Variants in ATP8A2 observed in about 807,000 individuals in gnomAD.
ATP8A2 encodes the protein phospholipid-transporting ATPase IB.
In ATP8A2, 100 loss-of-function variants were observed where a neutral mutation model predicts 165.6. That is an observed-to-expected ratio of 0.60 (90% CI 0.51 to 0.71). The LOEUF (loss-of-function observed/expected upper bound fraction) is 0.71, where lower values mean the gene tolerates loss of function less well. ATP8A2 is among the 30% of genes least tolerant of loss of function. The pLI is 0.00. For missense variants in ATP8A2, 1,227 were observed against 1,479.5 expected (o/e 0.83, Z 2.80); for synonymous variants, 543 against 548.8 (o/e 0.99, Z 0.15).
Position 25,513,021 on chromosome 13 carries a change from ACCTCCCTCCCGGACGGGGCG to A in ATP8A2, c.222-16977_222-16958del, listed in dbSNP as rs2037314773. ...GCCGGGCGGGGGGCTGACCCCCCCC[ACCTCCCTCCCGGACGGGGCG>A]GCTGGCCTGGCGGGGGCTGACCCCC... On this transcript the variant is annotated intron_variant, in intron 2 of 36. Coordinates refer to ENST00000381655, the MANE Select transcript of ATP8A2 (RefSeq NM_016529.6). Among the ~76,000 whole-genome samples the A allele has an allele frequency of 1.2e-4, 12 of 98,826 alleles. No individual in the cohort carries two copies. In the South Asian group the frequency reaches 4.6e-3, roughly 38 times the overall value. The allele number at this position is 98,826 out of a possible 152,430, so 64.8% of individuals were successfully genotyped here.
chr13:25,990,541 A>G (rs1387668874), intron 35 of ATP8A2, among the ~76,000 whole-genome samples: 4 of 152,206 alleles, frequency 2.6e-5, no homozygotes, highest in Non-Finnish European at 5.9e-5. Context: ...AGAGTGATCC[A>G]GGAACTTGCA....
chr13:25,581,931 A>T lies in ATP8A2; in HGVS notation c.2120A>T (p.Asp707Val). 2.5e-6 allele frequency: 4 copies of T among 1,612,064 alleles called. No individual in the cohort carries two copies. The highest frequency in any genetic ancestry group is 3.4e-6 in the Non-Finnish European group (4 of 1,179,380). The stretch of plus-strand genomic sequence containing the variant: ...ATTAAAATATGGGTGTTGACAGGAG[A>T]CAAACAAGAAACTGCGATTAATATA... ...AEIKIWVLTG[D>V]KQETAINIGY... Residue 707 changes from aspartate (D) to valine (V), a missense_variant, in exon 23 of 37, where the codon GAC (aspartate) becomes GTC (valine). Physicochemically the swap from Asp to Val is radical, Grantham distance 152. Transcript: ENST00000381655.
intron 33 of ATP8A2, among the ~76,000 whole-genome samples, chr13:25,897,032 C>T (rs962446927): frequency 2.6e-4 from 39 of 152,226 alleles, no homozygotes; most frequent in African/African-American, 7.5e-4. Context: ...AGCCCATTTA[C>T]GTTTAAGGTT....
At chr13:25,875,090 G>T (rs1430204476) in intron 33 of ATP8A2, among the ~76,000 whole-genome samples, 2 of 151,856 alleles carry the variant, frequency 1.3e-5, no homozygotes, top group Admixed American at 1.3e-4. Context: ...AGTTGCCGGG[G>T]CTGGGGGAGG....
intron 1 of ATP8A2, among the ~76,000 whole-genome samples, chr13:25,441,673 C>G (rs1475953479): frequency 6.6e-6 from 1 of 152,124 alleles, no homozygotes; most frequent in Non-Finnish European, 1.5e-5. Context: ...AACACCCAAC[C>G]CTACAACATC....
intron 19 of ATP8A2, 21 bp downstream of exon 19, chr13:25,574,878 T>C: frequency 7.4e-7 from 1 of 1,345,182 alleles, no homozygotes; most frequent in Non-Finnish European, 1.1e-6. Context: ...CTTTCATACG[T>C]TTGAAATAAA....
At chr13:25,398,260 C>T (rs1052462629) in intron 1 of ATP8A2, among the ~76,000 whole-genome samples, 21 of 152,150 alleles carry the variant, frequency 1.4e-4, no homozygotes, top group African/African-American at 2.4e-5. Flanking sequence ...TACACCAGAG[C>T]AGACTGGAGT....
intron 2 of ATP8A2, among the ~76,000 whole-genome samples, chr13:25,517,455 A>C (rs889530709): frequency 6.6e-6 from 1 of 152,204 alleles, no homozygotes; most frequent in Non-Finnish European, 1.5e-5. Flanking sequence ...TTTCATGTCC[A>C]TAGTTATTTG....
chr13:25,598,417 G>A (rs923177419), intron 24 of ATP8A2, among the ~76,000 whole-genome samples: 15 of 152,110 alleles, frequency 9.9e-5, no homozygotes, highest in African/African-American at 3.4e-4. Flanking sequence ...GAGATTTTCC[G>A]AAAATTTATG....
chr13:25,794,719 T>A (rs1485881242), intron 27 of ATP8A2, among the ~76,000 whole-genome samples: 3 of 152,002 alleles, frequency 2.0e-5, no homozygotes, highest in African/African-American at 7.3e-5. Context: ...ATATATATAT[T>A]CCAGTAATTG....
intron 24 of ATP8A2, among the ~76,000 whole-genome samples, chr13:25,616,879 A>G (rs1344693264): frequency 1.3e-5 from 2 of 152,288 alleles, no homozygotes; most frequent in East Asian, 1.9e-4. Flanking sequence ...ATTGAATATA[A>G]TAACAGCCCT....
chr13:25,582,174 GAC>G (rs1408764775), intron 23 of ATP8A2, among the ~76,000 whole-genome samples: 1 of 152,214 alleles, frequency 6.6e-6, no homozygotes, highest in Non-Finnish European at 1.5e-5. Flanking sequence ...AAAAGAATTA[GAC>G]ACACTTACAT....
chr13:25,888,762 G>A (rs904805176), intron 33 of ATP8A2, among the ~76,000 whole-genome samples: 2 of 152,184 alleles, frequency 1.3e-5, no homozygotes, highest in Admixed American at 6.5e-5. Flanking sequence ...GGGAGGCTGA[G>A]GCAGCAGAAT....
intron 24 of ATP8A2, among the ~76,000 whole-genome samples, chr13:25,609,565 T>TAAAATATATATATATATATTTGGATC (rs762280019): frequency 2.5e-5 from 3 of 120,788 alleles, no homozygotes; most frequent in Non-Finnish European, 3.6e-5. Context: ...ATATTTGGAT[T>TAAAATATATATATATATATTTGGATC]CAAATATATA....
At chr13:26,004,407 G>A (rs1956700336) in intron 35 of ATP8A2, among the ~76,000 whole-genome samples, 1 of 151,886 alleles carries the variant, frequency 6.6e-6, no homozygotes, top group East Asian at 1.9e-4. Context: ...ACAGTTTTTT[G>A]GTGGAGTCTT....
intron 15 of ATP8A2, 136 bp from the exon 16 acceptor site, chr13:25,563,820 C>T (rs1461960689): frequency 1.2e-5 from 7 of 586,720 alleles, no homozygotes; most frequent in East Asian, 8.5e-5. Context: ...TACAGAATTT[C>T]AAGTCTTTAA....
chr13:25,904,021 A>G (rs951501665), intron 33 of ATP8A2, among the ~76,000 whole-genome samples: 1 of 152,202 alleles, frequency 6.6e-6, no homozygotes, highest in Non-Finnish European at 1.5e-5. Context: ...CCTTATCCAC[A>G]ATACTTGGAA....
At chr13:25,852,352 C>T (rs904228638) in intron 30 of ATP8A2, among the ~76,000 whole-genome samples, 10 of 152,230 alleles carry the variant, frequency 6.6e-5, no homozygotes, top group African/African-American at 2.4e-4. Context: ...TTATCTGGCC[C>T]AAAATGTCCG....
chr13:25,840,841 G>A (rs1393624994), intron 30 of ATP8A2, among the ~76,000 whole-genome samples: 2 of 152,198 alleles, frequency 1.3e-5, no homozygotes, highest in Non-Finnish European at 2.9e-5. Flanking sequence ...ATGAGCATAA[G>A]AGAAATTTGA....
Sources: allele counts gnomAD v4.1 joint callset (sites outside exome capture counted in the v4.1 genomes callset), GRCh38; gene constraint gnomAD v4.1.1; transcripts MANE v1.5; gene names NCBI Gene and HGNC (gene_info 2026-07-23, HGNC 2026-07-21).